The following CFAP47 variants were observed in gnomAD, a reference collection of about 807,000 sequenced individuals.
The protein encoded by CFAP47 is cilia- and flagella-associated protein 47.
Under a neutral mutation model 148.1 loss-of-function variants are expected in CFAP47, and 29 were observed. That is an observed-to-expected ratio of 0.20 (90% CI 0.15 to 0.27). CFAP47 has a LOEUF of 0.27. Among genes scored for constraint, CFAP47 ranks in the 10% least tolerant of loss-of-function variants. The pLI is 1.00. For missense variants in CFAP47, 1,872 were observed against 1,697.5 expected (o/e 1.10, Z -1.81); for synonymous variants, 664 against 577.3 (o/e 1.15, Z -2.15).
intron 48 of CFAP47, among the ~76,000 whole-genome samples, chrX:36,239,250 CA>C (rs1268486075): frequency 8.9e-6 from 1 of 112,050 alleles, no homozygotes; most frequent in Admixed American, 9.5e-5. Flanking sequence ...TAAAGAAAAG[CA>C]ATGAAAACAC....
intron 27 of CFAP47, among the ~76,000 whole-genome samples, chrX:36,070,692 A>G (rs908125809): frequency 2.1e-4 from 23 of 109,726 alleles, no homozygotes; most frequent in African/African-American, 7.3e-4. Context: ...GGGTTTCACC[A>G]TGTTGGCCAG....
At chrX:36,268,544 T>G (rs782354062) in intron 49 of CFAP47, among the ~76,000 whole-genome samples, 25 of 112,782 alleles carry the variant, frequency 2.2e-4, no homozygotes, top group African/African-American at 7.4e-4. Context: ...GGCTGATGAA[T>G]CCACCCATTA....
At position 36,211,093 on chromosome X, in the gene CFAP47, A is replaced by T; in HGVS notation, c.6817+5983A>T. On this transcript the variant is annotated intron_variant, in intron 45 of 63. Coordinates refer to ENST00000378653, the MANE Select transcript of CFAP47 (RefSeq NM_001304548.2). ...AGGGCACTGGGCAATTCTGTGCCTC[A>T]CTGAAGAAAAGTAACTAAACATGGG... is the stretch of plus-strand genomic sequence containing the variant. 3 of 219,129 alleles carry T rather than the reference A, an allele frequency of 1.4e-5. No homozygotes were observed. The South Asian group carries it at 2.1e-4, about 15-fold the overall frequency. 18.1% of individuals were successfully genotyped at this position (219,129 alleles called of 1,213,427 possible). A position where few individuals can be genotyped will look rare whatever the true frequency, so the allele number is the denominator to read the frequency against.
chrX:36,260,962 G>A (rs1448478799), intron 49 of CFAP47, among the ~76,000 whole-genome samples: 1 of 111,000 alleles, frequency 9.0e-6, no homozygotes, highest in Non-Finnish European at 1.9e-5. Context: ...TGAATAGGGA[G>A]TCCATTACTC....
chrX:35,972,011 A>T (rs1248902508), intron 13 of CFAP47, 46 bp downstream of exon 13: 1 of 810,336 alleles, frequency 1.2e-6, no homozygotes, highest in Non-Finnish European at 1.8e-6. Flanking sequence ...TTTTTATAAA[A>T]AAAAGATTTC....
intron 2 of CFAP47, among the ~76,000 whole-genome samples, chrX:35,929,274 C>A (rs1352578863): frequency 9.0e-6 from 1 of 111,411 alleles, no homozygotes; most frequent in Non-Finnish European, 1.9e-5. Flanking sequence ...TAGTAATTCT[C>A]CCCAAACATG....
intron 15 of CFAP47, among the ~76,000 whole-genome samples, chrX:35,987,550 G>A (rs1027784830): frequency 9.0e-6 from 1 of 111,692 alleles, no homozygotes; most frequent in Non-Finnish European, 1.9e-5. Context: ...TGGGCTCTGT[G>A]GGGGTGGAAT....
intron 26 of CFAP47, among the ~76,000 whole-genome samples, chrX:36,047,492 C>A (rs1456844190): frequency 1.8e-5 from 2 of 112,089 alleles, no homozygotes; most frequent in Admixed American, 9.5e-5. Context: ...TACAATATAG[C>A]TTTGTTGCAT....
At position 36,099,970 on chromosome X, in the gene CFAP47, C is replaced by A. The variant is rs1161675406; in HGVS notation, c.5127+91C>A. On this transcript the variant is annotated intron_variant, in intron 32 of 63. Transcript: ENST00000378653. ...ATAGACAATGCTGCTATGAAAGATT[C>A]AAAAACACAGTGCCTTAAATGAGAG... 3 of 488,628 alleles carry A rather than the reference C, an allele frequency of 6.1e-6. No individual in the cohort carries two copies. In the East Asian group the frequency reaches 1.2e-4, roughly 19 times the overall value. The allele number at this position is 488,628 out of a possible 1,213,427, so 40.3% of individuals were successfully genotyped here.
At chrX:36,338,117 G>A (rs1369496976) in intron 57 of CFAP47, among the ~76,000 whole-genome samples, 1 of 96,718 alleles carries the variant, frequency 1.0e-5, no homozygotes, top group Non-Finnish European at 2.0e-5. Flanking sequence ...TCGATCTCCT[G>A]ACCTTGTGAT....
chrX:36,380,601 GCCCA>G (rs1569332512), intron 63 of CFAP47, among the ~76,000 whole-genome samples: 1 of 111,512 alleles, frequency 9.0e-6, no homozygotes, highest in Non-Finnish European at 1.9e-5. Context: ...CTGCAACCAC[GCCCA>G]GCTACTTTTT....
Position 36,000,328 on chromosome X carries a change from A to T in CFAP47, c.3223A>T (p.Ile1075Phe). ...CGCCTATATTGGTGGTACCCAGATT[A>T]TTCCATTTGTAATAAAAAACAAAGG... ...SGAYIGGTQI[I>F]PFVIKNKGIT... The change falls in exon 20 of 64, where the codon ATT becomes TTT. Residue 1075 changes from isoleucine to phenylalanine, a missense_variant. Transcript: ENST00000378653. The T allele has an allele frequency of 3.4e-6, 1 of 296,544 alleles. No individual in the cohort carries two copies. The highest frequency in any genetic ancestry group is 4.8e-5 in the East Asian group (1 of 20,911). The allele number at this position is 296,544 out of a possible 1,213,427, so 24.4% of individuals were successfully genotyped here.
intron 2 of CFAP47, among the ~76,000 whole-genome samples, chrX:35,930,811 G>A (rs759214415): frequency 5.4e-5 from 6 of 111,544 alleles, no homozygotes; most frequent in Non-Finnish European, 9.4e-5. Context: ...CATTTCTGAT[G>A]TTGAACATGT....
At chrX:36,342,430 A>C (rs1941661804) in intron 57 of CFAP47, among the ~76,000 whole-genome samples, 1 of 111,965 alleles carries the variant, frequency 8.9e-6, no homozygotes, top group African/African-American at 3.2e-5. Flanking sequence ...TATTATTTTT[A>C]AAAATGAGCT....
intron 57 of CFAP47, among the ~76,000 whole-genome samples, chrX:36,320,645 G>A (rs915880658): frequency 8.9e-6 from 1 of 111,999 alleles, no homozygotes; most frequent in African/African-American, 3.2e-5. Context: ...AAAAGATAAA[G>A]TACAAATGGG....
chrX:36,114,046 G>A (rs1938598679), intron 33 of CFAP47, among the ~76,000 whole-genome samples: 1 of 110,475 alleles, frequency 9.1e-6, no homozygotes, highest in African/African-American at 3.3e-5. Context: ...TGCTGACCTC[G>A]TGATCTGCCC....
At chrX:35,924,037 A>G (rs73629574) in intron 1 of CFAP47, among the ~76,000 whole-genome samples, 1 of 94,892 alleles carries the variant, frequency 1.1e-5, no homozygotes, top group African/African-American at 4.6e-5. Context: ...ATATGCACAT[A>G]TATGTGTATA....
rs868977917 is a variant in CFAP47 at position 36,371,938 on chromosome X, G to A, written c.9185+4811G>A. Reference sequence around the variant, plus strand: ...TGTATATATGTGTATATACACACATGTGTATATGTGTGTGTATATATACAC... The same window carrying A: ...TGTATATATGTGTATATACACACATATGTATATGTGTGTGTATATATACAC... On this transcript the variant is annotated intron_variant, in intron 62 of 63. Coordinates refer to ENST00000378653, the MANE Select transcript of CFAP47 (RefSeq NM_001304548.2). Among the ~76,000 whole-genome samples the A allele has an allele frequency of 4.2e-5, 4 of 95,782 alleles. No homozygotes were observed. The Admixed American group carries it at 5.1e-4, about 12-fold the overall frequency. 83.2% of individuals were successfully genotyped at this position (95,782 alleles called of 115,157 possible). A position where few individuals can be genotyped will look rare whatever the true frequency, so the allele number is the denominator to read the frequency against.
chrX:35,945,930 C>T (rs972789144), intron 3 of CFAP47, among the ~76,000 whole-genome samples: 1 of 96,820 alleles, frequency 1.0e-5, no homozygotes, highest in East Asian at 3.2e-4. Context: ...TGGAGTGCAG[C>T]GGCGTGCTCT....
Sources: allele counts gnomAD v4.1 joint callset (sites outside exome capture counted in the v4.1 genomes callset), GRCh38; gene constraint gnomAD v4.1.1; transcripts MANE v1.5; gene names NCBI Gene and HGNC (gene_info 2026-07-23, HGNC 2026-07-21).